CARF: variants seen among roughly 807,000 people sequenced by gnomAD.
CARF encodes calcium-responsive transcription factor.
A neutral mutation model predicts 82.0 loss-of-function variants in CARF; 57 were observed. That is an observed-to-expected ratio of 0.70 (90% CI 0.56 to 0.87). The LOEUF (loss-of-function observed/expected upper bound fraction) is 0.87, where lower values mean the gene tolerates loss of function less well. Among genes scored for constraint, CARF ranks in the 40% least tolerant of loss-of-function variants. The pLI is 0.00. For missense variants in CARF, 771 were observed against 855.8 expected (o/e 0.90, Z 1.24); for synonymous variants, 268 against 290.1 (o/e 0.92, Z 0.77).
chr2:202,944,653 C>A (rs1245575529), intron 5 of CARF, among the ~76,000 whole-genome samples: 1 of 152,180 alleles, frequency 6.6e-6, no homozygotes, highest in Non-Finnish European at 1.5e-5. Flanking sequence ...GCATCACCGG[C>A]AGAGGTTAAT....
Position 202,961,773 on chromosome 2 carries a change from C to G in CARF, c.832+347C>G, listed in dbSNP as rs1424595849. 4 of 345,142 alleles carry G rather than the reference C, an allele frequency of 1.2e-5. No individual in the cohort carries two copies. In the East Asian group the frequency reaches 2.2e-4, roughly 19 times the overall value. The allele number at this position is 345,142 out of a possible 1,614,324, so 21.4% of individuals were successfully genotyped here. The stretch of plus-strand genomic sequence containing the variant: ...TTCCCCTTCAGATTAAATATTTTAG[C>G]CTTCTCTCTTAATTTGTATTGTGGG... On this transcript the variant is annotated intron_variant, in intron 9 of 16. Transcript: ENST00000438828.
intron 2 of CARF, among the ~76,000 whole-genome samples, chr2:202,923,255 TAAAG>T (rs1283581956): frequency 1.3e-5 from 2 of 151,914 alleles, no homozygotes; most frequent in African/African-American, 4.8e-5. Flanking sequence ...AAACAAAAAA[TAAAG>T]AATTCAGCAA....
At chr2:202,923,037 T>C (rs1265140467) in intron 2 of CARF, among the ~76,000 whole-genome samples, 1 of 150,756 alleles carries the variant, frequency 6.6e-6, no homozygotes, top group African/African-American at 2.4e-5. Flanking sequence ...AGGTCAGGAG[T>C]TTGAGACCAG....
chr2:202,959,100 G>A (rs1402813799), intron 8 of CARF, among the ~76,000 whole-genome samples: 1 of 151,744 alleles, frequency 6.6e-6, no homozygotes, highest in African/African-American at 2.4e-5. Flanking sequence ...TTATCTGTAA[G>A]CCTATTTATA....
intron 14 of CARF, among the ~76,000 whole-genome samples, chr2:202,978,985 G>A (rs576331568): frequency 1.3e-5 from 2 of 151,998 alleles, no homozygotes; most frequent in Non-Finnish European, 2.9e-5. Flanking sequence ...AGCTGGGCAC[G>A]GTGGCTCACA....
Position 202,983,680 on chromosome 2 carries a change from G to C in CARF, c.*56G>C. 9.3e-7 allele frequency: 1 copy of C among 1,073,350 alleles called. No individual in the cohort carries two copies. Among genetic ancestry groups the C allele is most frequent in the Non-Finnish European group, 1.4e-6 (1 of 702,450 alleles). 66.5% of individuals were successfully genotyped at this position (1,073,350 alleles called of 1,614,324 possible). On this transcript the variant is annotated 3_prime_UTR_variant, in exon 17 of 17. Coordinates refer to ENST00000438828, the MANE Select transcript of CARF (RefSeq NM_024744.17). ...TGGTGACTTCTGATGTCTTAGAAAG[G>C]AAGGTGAATATAGTCAAAGCGTGGC...
intron 3 of CARF, among the ~76,000 whole-genome samples, chr2:202,926,358 G>C (rs1691824985): frequency 6.6e-6 from 1 of 152,098 alleles, no homozygotes; most frequent in East Asian, 1.9e-4. Flanking sequence ...TAGTTCAATT[G>C]TTTTTTCAAA....
Position 202,917,902 on chromosome 2 carries a change from T to C in CARF, c.-304T>C, listed in dbSNP as rs1194859148. 1 of 341,502 alleles carries C rather than the reference T, an allele frequency of 2.9e-6. No homozygotes were observed. The highest frequency in any genetic ancestry group is 2.2e-5 in the African/African-American group (1 of 45,544). The allele number at this position is 341,502 out of a possible 1,614,324, so 21.2% of individuals were successfully genotyped here. On this transcript the variant is annotated 5_prime_UTR_variant, in exon 2 of 17. Coordinates refer to ENST00000438828, the MANE Select transcript of CARF (RefSeq NM_024744.17). Reference sequence around the variant, plus strand: ...AGAAAATGCTGCTGTGAAGACCCAATTAAAGCTTTCACATAAATGAAGCTA... The same window carrying C: ...AGAAAATGCTGCTGTGAAGACCCAACTAAAGCTTTCACATAAATGAAGCTA...
chr2:202,933,188 C>G (rs1479668134), intron 3 of CARF, among the ~76,000 whole-genome samples: 1 of 152,110 alleles, frequency 6.6e-6, no homozygotes, highest in Non-Finnish European at 1.5e-5. Context: ...GACCCCTGTA[C>G]AGGGGTATAA....
At chr2:202,925,172 G>C in intron 3 of CARF, 1 of 321,464 alleles carries the variant, frequency 3.1e-6, no homozygotes, top group Admixed American at 3.6e-5. Context: ...TATCAAAAGT[G>C]TGAAGTTTAA....
intron 5 of CARF, among the ~76,000 whole-genome samples, chr2:202,952,256 A>G (rs1325589256): frequency 1.3e-5 from 2 of 152,220 alleles, no homozygotes; most frequent in African/African-American, 2.4e-5. Context: ...TTACATCCAG[A>G]CAGACTTGTT....
intron 2 of CARF, among the ~76,000 whole-genome samples, chr2:202,921,533 C>G (rs1412009944): frequency 6.6e-6 from 1 of 152,124 alleles, no homozygotes; most frequent in Admixed American, 6.5e-5. Flanking sequence ...TTTAAAAATT[C>G]AGATATAGTT....
At chr2:202,953,006 A>G (rs1345836896) in intron 6 of CARF, among the ~76,000 whole-genome samples, 1 of 152,086 alleles carries the variant, frequency 6.6e-6, no homozygotes, top group East Asian at 1.9e-4. Flanking sequence ...TAATAGCTTC[A>G]GAAGTTTTTA....
chr2:202,974,400 T>C lies in CARF; in HGVS notation c.1398T>C (p.Phe466=), dbSNP rs751940259. The change falls in exon 13 of 17, where the codon TTT becomes TTC. Residue 466 remains phenylalanine, a synonymous_variant. Transcript: ENST00000438828. ...CTGAAAGACATAATTTATCTTTTTT[T>C]CCAACTGTAAATGATATAAAAAATC... ...EVPERHNLSF[F]PTVNDIKNHI... 9.3e-6 allele frequency: 15 copies of C among 1,610,790 alleles called. No individual in the cohort carries two copies. Among genetic ancestry groups the C allele is most frequent in the Non-Finnish European group, 1.3e-5 (15 of 1,179,256 alleles).
intron 1 of CARF, among the ~76,000 whole-genome samples, chr2:202,914,363 T>G (rs1689199346): frequency 6.6e-6 from 1 of 152,222 alleles, no homozygotes; most frequent in African/African-American, 2.4e-5. Flanking sequence ...GTTTTTCTTT[T>G]TTTCCAATTT....
Position 202,958,247 on chromosome 2 carries a change from A to ATGTGTGTGTGTGTGTGTG in CARF, c.642+2490_642+2491insGTGTGTGTGTGTGTGTGT, listed in dbSNP as rs1225523942. Among the ~76,000 whole-genome samples, 29 of 26,520 alleles carry ATGTGTGTGTGTGTGTGTG rather than the reference A, an allele frequency of 1.1e-3. 1 individual carries two copies. The South Asian group carries it at 0.025, about 23-fold the overall frequency. The allele number at this position is 26,520 out of a possible 152,430, so 17.4% of individuals were successfully genotyped here. ...GTAGAGTACATGTATGTATATACAT[A>ATGTGTGTGTGTGTGTGTG]TATGTGTGTGTGTGTGTGTGTGTGT... On this transcript the variant is annotated intron_variant, in intron 8 of 16. Transcript: ENST00000438828.
intron 3 of CARF, among the ~76,000 whole-genome samples, chr2:202,927,611 T>C (rs1166224135): frequency 1.3e-5 from 2 of 152,162 alleles, no homozygotes; most frequent in Non-Finnish European, 2.9e-5. Context: ...TTTTGATACA[T>C]GTATAAAACG....
Position 202,917,657 on chromosome 2 carries a change from A to G in CARF, c.-329-220A>G, listed in dbSNP as rs550530343. On this transcript the variant is annotated intron_variant, in intron 1 of 16. Coordinates refer to ENST00000438828, the MANE Select transcript of CARF (RefSeq NM_024744.17). ...AAATATTCCAAATACCTGATTTTAG[A>G]CAAGGAAACAGGCACAGAGAGATTG... Among the ~76,000 whole-genome samples the G allele has an allele frequency of 1.1e-4, 17 of 152,306 alleles. No homozygotes were observed. In the South Asian group the frequency reaches 3.5e-3, roughly 32 times the overall value.
At chr2:202,932,870 TG>T (rs1280377078) in intron 3 of CARF, among the ~76,000 whole-genome samples, 15 of 152,000 alleles carry the variant, frequency 9.9e-5, no homozygotes, top group Admixed American at 9.8e-4. Context: ...ACCACTGCTG[TG>T]TTTCCCTAGG....
Sources: allele counts gnomAD v4.1 joint callset (sites outside exome capture counted in the v4.1 genomes callset), GRCh38; gene constraint gnomAD v4.1.1; transcripts MANE v1.5; gene names NCBI Gene and HGNC (gene_info 2026-07-23, HGNC 2026-07-21).